Variants in DISP3 observed in about 807,000 individuals in gnomAD.
DISP3 encodes protein dispatched homolog 3.
Under a neutral mutation model 135.3 loss-of-function variants are expected in DISP3, and 101 were observed. That is an observed-to-expected ratio of 0.75 (90% CI 0.64 to 0.88). DISP3 has a LOEUF of 0.88. Ranked by LOEUF, DISP3 falls within the 40% of genes least tolerant of loss-of-function variation. DISP3 has a pLI of 0.00. For missense variants in DISP3, 1,713 were observed against 1,878.6 expected (o/e 0.91, Z 1.63); for synonymous variants, 856 against 817.0 (o/e 1.05, Z -0.81).
rs755575614 is a variant in DISP3, at chr1:11,501,882, C to T, written c.890C>T (p.Thr297Met). ...RNIFTSERLVTIHEIERKIMD... is the reference protein window; with the variant it reads ...RNIFTSERLVMIHEIERKIMD... ...ATTTTCACCAGTGAGCGCCTGGTCA[C>T]GATCCATGAGATCGAGCGCAAGATC... The change falls in exon 2 of 21, where the codon ACG (threonine) becomes ATG (methionine). Residue 297 changes from threonine to methionine, a missense_variant. By Grantham distance (81) the Thr-to-Met change is moderately conservative. Coordinates refer to ENST00000294484, the MANE Select transcript of DISP3 (RefSeq NM_020780.2). This position sits in a 1 kb window ranked among gnomAD's most constrained non-coding sequence, Gnocchi z 4.9. The T allele has an allele frequency of 3.1e-6, 5 of 1,613,178 alleles. No homozygotes were observed. The African/African-American group carries it at 6.7e-5, about 22-fold the overall frequency.
chr1:11,493,161 A>T (rs577467760), intron 1 of DISP3, among the ~76,000 whole-genome samples: 1 of 152,302 alleles, frequency 6.6e-6, no homozygotes, highest in South Asian at 2.1e-4. Flanking sequence ...AGGAGAGCTG[A>T]TGGTATAGTT....
intron 15 of DISP3, 71 bp from the exon 16 acceptor site, chr1:11,530,836 G>C: frequency 6.3e-7 from 1 of 1,587,224 alleles, no homozygotes; most frequent in Admixed American, 1.7e-5. Context: ...CCCAGGGTTG[G>C]GGGTGAGCAC....
At position 11,525,298 on chromosome 1, in the gene DISP3, G is replaced by A. The variant is rs1212859191; in HGVS notation, c.2599G>A (p.Val867Met). 6.2e-7 allele frequency: 1 copy of A among 1,613,528 alleles called. No homozygotes were observed. The highest frequency in any genetic ancestry group is 1.3e-5 in the African/African-American group (1 of 74,920). ...GGCTGTGTCGCCTGGGGATGGAGAG[G>A]TGCCCTCCTTCCAGGTGAGCCTGGG... ...WQAVSPGDGE[V>M]PSFQVYRAPF... The change falls in exon 12 of 21, where the codon GTG becomes ATG. Residue 867 changes from valine (V) to methionine (M), a missense_variant. Coordinates refer to ENST00000294484, the MANE Select transcript of DISP3 (RefSeq NM_020780.2).
At position 11,531,734 on chromosome 1, in the gene DISP3, G is replaced by A; in HGVS notation, c.3375+24G>A. On this transcript the variant is annotated intron_variant, in intron 17 of 20. Coordinates refer to ENST00000294484, the MANE Select transcript of DISP3 (RefSeq NM_020780.2). This position sits in a 1 kb window ranked among gnomAD's most constrained non-coding sequence, Gnocchi z 5.2. ...CGGTGAGCCCAGGCAGCCTCACTGGGTGCCATGCTGCGTACTTGCCCGGGG... is the reference window on the plus strand; with the variant it reads ...CGGTGAGCCCAGGCAGCCTCACTGGATGCCATGCTGCGTACTTGCCCGGGG... 6.4e-7 allele frequency: 1 copy of A among 1,574,748 alleles called. No individual in the cohort carries two copies. The highest frequency in any genetic ancestry group is 1.3e-5 in the African/African-American group (1 of 74,378).
At chr1:11,504,903 T>C (rs1250799279) in intron 3 of DISP3, among the ~76,000 whole-genome samples, 1 of 152,222 alleles carries the variant, frequency 6.6e-6, no homozygotes, top group African/African-American at 2.4e-5. Context: ...GTTTCCACAG[T>C]CCCCTTTCTT....
Position 11,531,711 on chromosome 1 carries a change from G to A in DISP3, c.3375+1G>A. 4 of 1,595,486 alleles carry A rather than the reference G, an allele frequency of 2.5e-6. No individual in the cohort carries two copies. Among genetic ancestry groups the A allele is most frequent in the Non-Finnish European group, 3.4e-6 (4 of 1,170,284 alleles). ...GTGGATCTCCATGGCTTTCGAGTCG[G>A]TGAGCCCAGGCAGCCTCACTGGGTG... On this transcript the variant is annotated splice_donor_variant, in intron 17 of 20. Transcript: ENST00000294484. LOFTEE classifies it high-confidence loss of function. This position sits in a 1 kb window ranked among gnomAD's most constrained non-coding sequence, Gnocchi z 5.2.
At chr1:11,514,624 C>T in intron 4 of DISP3, 98 bp downstream of exon 4, 1 of 1,429,116 alleles carries the variant, frequency 7.0e-7, no homozygotes, top group Non-Finnish European at 9.6e-7. Context: ...CTCTTGAGCC[C>T]AGCATGTCAG....
chr1:11,533,862 G>T, intron 17 of DISP3: 1 of 717,554 alleles, frequency 1.4e-6, no homozygotes, highest in Non-Finnish European at 2.6e-6. Flanking sequence ...TCATCCATGA[G>T]CACCTCTCGG....
At chr1:11,513,586 G>A (rs1457835652) in intron 3 of DISP3, among the ~76,000 whole-genome samples, 1 of 151,862 alleles carries the variant, frequency 6.6e-6, no homozygotes, top group Non-Finnish European at 1.5e-5. Context: ...TGAGCAATTT[G>A]GTTATGATGT....
In DISP3 at chr1:11,499,266, G is replaced by A. The variant is rs891941973; in HGVS notation, c.-3-1724G>A. On this transcript the variant is annotated intron_variant, in intron 1 of 20. Coordinates refer to ENST00000294484, the MANE Select transcript of DISP3 (RefSeq NM_020780.2). This position sits in a 1 kb window ranked among gnomAD's most constrained non-coding sequence, Gnocchi z 5.2. ...CTCCCCACAAGGCAGGCTGAGGCAC[G>A]GGCAGGATGGATGGGTTTAGTTCCC... Among the ~76,000 whole-genome samples the A allele has an allele frequency of 5.3e-5, 8 of 152,144 alleles. No homozygotes were observed. Among genetic ancestry groups the A allele is most frequent in the East Asian group, 3.9e-4 (2 of 5,178 alleles).
At chr1:11,535,454 G>GC (rs552312526) in intron 19 of DISP3, 24 bp from the exon 20 acceptor site, 90 of 1,586,514 alleles carry the variant, frequency 5.7e-5, no homozygotes, top group Admixed American at 3.2e-4. Context: ...GATCCGAGCT[G>GC]CCCCCCCTGC....
rs552419541 is a variant in DISP3, at chr1:11,529,610, G to A, written c.2853G>A (p.Met951Ile). The A allele has an allele frequency of 8.7e-6, 14 of 1,607,866 alleles. No individual in the cohort carries two copies. In the South Asian group the frequency reaches 8.8e-5, roughly 10 times the overall value. Residue 951 changes from methionine (M) to isoleucine (I), a missense_variant, in exon 14 of 21, where the codon ATG becomes ATA. Transcript: ENST00000294484. This position sits in a 1 kb window ranked among gnomAD's most constrained non-coding sequence, Gnocchi z 4.7. Reference protein sequence around the residue: ...HKPPFHGRVCMAPPGCLLSSS... With the variant: ...HKPPFHGRVCIAPPGCLLSSS... The stretch of plus-strand genomic sequence containing the variant: ...CCCCCTTCCACGGGCGCGTATGCAT[G>A]GCACCCCCTGGCTGCCTGCTTAGCT...
intron 1 of DISP3, among the ~76,000 whole-genome samples, chr1:11,493,634 G>C (rs1641248499): frequency 6.6e-6 from 1 of 152,022 alleles, no homozygotes; most frequent in Admixed American, 6.5e-5. Context: ...TGAGACAGGA[G>C]AATCATTTGA....
rs1642648860 is a variant in DISP3, at chr1:11,534,256, T to C, written c.3376-125T>C. ...GGGGACTCATTTTGGATTGAATCGTTGTTCACACCCTCCCCAACACACGCA... is the reference window on the plus strand; with the variant it reads ...GGGGACTCATTTTGGATTGAATCGTCGTTCACACCCTCCCCAACACACGCA... On this transcript the variant is annotated intron_variant, in intron 17 of 20. Coordinates refer to ENST00000294484, the MANE Select transcript of DISP3 (RefSeq NM_020780.2). 3 of 1,201,324 alleles carry C rather than the reference T, an allele frequency of 2.5e-6. No individual in the cohort carries two copies. The African/African-American group carries it at 4.5e-5, about 18-fold the overall frequency. 74.4% of individuals were successfully genotyped at this position (1,201,324 alleles called of 1,614,324 possible).
Position 11,520,942 on chromosome 1 carries a change from A to G in DISP3, c.2362+94A>G, listed in dbSNP as rs190180960. The G allele has an allele frequency of 5.2e-4, 727 of 1,387,922 alleles. 3 individuals carry two copies. The highest frequency in any genetic ancestry group is 4.9e-4 in the Non-Finnish European group (503 of 1,035,644). 86.0% of individuals were successfully genotyped at this position (1,387,922 alleles called of 1,614,324 possible). A position where few individuals can be genotyped will look rare whatever the true frequency, so the allele number is the denominator to read the frequency against. On this transcript the variant is annotated intron_variant, in intron 10 of 20. Transcript: ENST00000294484. The surrounding 1 kb of genome is among the most constrained non-coding windows in gnomAD (Gnocchi z 4.8). ...AGATGCAGGATCCAGGGTCCCCATC[A>G]ATGCCAGACCTCAGGCAAATCCCAC...
Position 11,531,413 on chromosome 1 carries a change from C to G in DISP3, c.3230-152C>G. On this transcript the variant is annotated intron_variant, in intron 16 of 20. Transcript: ENST00000294484. This position sits in a 1 kb window ranked among gnomAD's most constrained non-coding sequence, Gnocchi z 5.2. ...CACAGGTCATGTTCCACCCCGATGG[C>G]AAATGCATGTTGTAGGTTTCCCAAT... 1 of 1,142,180 alleles carries G rather than the reference C, an allele frequency of 8.8e-7. No homozygotes were observed. The highest frequency in any genetic ancestry group is 1.3e-6 in the Non-Finnish European group (1 of 798,422). The allele number at this position is 1,142,180 out of a possible 1,614,324, so 70.8% of individuals were successfully genotyped here.
intron 18 of DISP3, 63 bp downstream of exon 18, chr1:11,534,603 A>G: frequency 6.5e-7 from 1 of 1,545,110 alleles, no homozygotes; most frequent in Non-Finnish European, 8.7e-7. Context: ...TGGGGCCGGG[A>G]GGGCACAGAG....
rs147316309 is a variant in DISP3, at chr1:11,510,463, G to A, written c.1317-3927G>A. Among the ~76,000 whole-genome samples, 1,222 of 151,710 alleles carry A rather than the reference G, an allele frequency of 8.1e-3. 17 individuals carry two copies. Among genetic ancestry groups the A allele is most frequent in the African/African-American group, 0.029 (1,186 of 41,316 alleles). On this transcript the variant is annotated intron_variant, in intron 3 of 20. Coordinates refer to ENST00000294484, the MANE Select transcript of DISP3 (RefSeq NM_020780.2). ...ATATACTACTATTTCTTCCCTCCTGGCCTTTATGTTATTGTGGTTATGCAT... is the reference window on the plus strand; with the variant it reads ...ATATACTACTATTTCTTCCCTCCTGACCTTTATGTTATTGTGGTTATGCAT...
chr1:11,521,780 G>A (rs1194444862), intron 10 of DISP3, among the ~76,000 whole-genome samples: 1 of 152,140 alleles, frequency 6.6e-6, no homozygotes, highest in Non-Finnish European at 1.5e-5. Context: ...TTTGAGAGAG[G>A]CAGCTGCAGG....
Sources: gnomAD v4.1 joint callset for allele counts (sites outside exome capture counted in the v4.1 genomes callset) on GRCh38, gnomAD v4.1.1 for gene constraint, Gnocchi (gnomAD v3.1) non-coding constraint, MANE v1.5 for transcripts, NCBI Gene and HGNC (gene_info 2026-07-23, HGNC 2026-07-21) for gene names.